MAML2: variants seen among roughly 807,000 people sequenced by gnomAD.
MAML2 encodes mastermind like transcriptional coactivator 2, also known as mastermind-like protein 2.
MAML2 carries 22 observed loss-of-function variants against 96.1 expected under a neutral mutation model. The ratio of observed to expected loss-of-function variants is 0.23; its 90% CI spans 0.16 to 0.33. The LOEUF is 0.33. Ranked by LOEUF, MAML2 falls within the 10% of genes least tolerant of loss-of-function variation. The probability of loss-of-function intolerance (pLI) is 1.00; values close to 1 mark genes in which losing one functional copy is unlikely to be tolerated. For synonymous variants in MAML2, 561 were observed against 521.3 expected, an observed-to-expected ratio of 1.08 and a Z score of -1.04; for missense variants, 1,367 against 1,392.4, an observed-to-expected ratio of 0.98 and a Z score of 0.29.
At chr11:96,329,459 A>G (rs1400302711) in intron 1 of MAML2, among the ~76,000 whole-genome samples, 1 of 152,212 alleles carries the variant, frequency 6.6e-6, no homozygotes, top group African/African-American at 2.4e-5. Context: ...TTCTTCCTCA[A>G]TAAACATATG....
At chr11:96,019,420 A>G (rs1399818296) in intron 2 of MAML2, among the ~76,000 whole-genome samples, 3 of 152,028 alleles carry the variant, frequency 2.0e-5, no homozygotes, top group Non-Finnish European at 2.9e-5. Flanking sequence ...ACAGGAAGCT[A>G]TTAGCTTCAA....
chr11:96,080,169 G>A (rs1859509454), intron 2 of MAML2, among the ~76,000 whole-genome samples: 2 of 152,118 alleles, frequency 1.3e-5, no homozygotes, highest in South Asian at 2.1e-4. Flanking sequence ...TGTGGCTAAA[G>A]GGAAGAGGAA....
chr11:96,058,278 T>C (rs1859100141), intron 2 of MAML2, among the ~76,000 whole-genome samples: 1 of 149,412 alleles, frequency 6.7e-6, no homozygotes, highest in Non-Finnish European at 1.5e-5. Context: ...GATGAGGCCA[T>C]CCAAGTCCAA....
chr11:96,004,895 G>A (rs975620297), intron 2 of MAML2, among the ~76,000 whole-genome samples: 10 of 152,288 alleles, frequency 6.6e-5, no homozygotes, highest in East Asian at 3.9e-4. Flanking sequence ...CCTCAGGGTA[G>A]TGGCACAAGA....
At chr11:96,017,899 C>T (rs1362881252) in intron 2 of MAML2, among the ~76,000 whole-genome samples, 1 of 152,110 alleles carries the variant, frequency 6.6e-6, no homozygotes, top group Non-Finnish European at 1.5e-5. Context: ...TTAGCTTTTA[C>T]TTGAATAATA....
intron 2 of MAML2, among the ~76,000 whole-genome samples, chr11:96,091,029 G>A (rs1309183465): frequency 6.6e-6 from 1 of 152,090 alleles, no homozygotes; most frequent in East Asian, 1.9e-4. Flanking sequence ...TTTCTTTTAG[G>A]TTCCCTGGGG....
intron 1 of MAML2, among the ~76,000 whole-genome samples, chr11:96,317,270 T>G (rs1157699765): frequency 6.6e-6 from 1 of 152,130 alleles, no homozygotes; most frequent in African/African-American, 2.4e-5. Context: ...ATAGATAGCT[T>G]TAAAACGTCT....
chr11:95,988,389 G>A (rs1857861863), intron 3 of MAML2, among the ~76,000 whole-genome samples: 1 of 151,514 alleles, frequency 6.6e-6, no homozygotes. Context: ...CTCCCAAGTA[G>A]CTGAGATTAC....
chr11:96,149,348 T>C (rs544373572), intron 1 of MAML2, among the ~76,000 whole-genome samples: 3 of 134,418 alleles, frequency 2.2e-5, no homozygotes, highest in Non-Finnish European at 3.1e-5. Context: ...ACTCAGGAGG[T>C]GGAGGCTGCG....
intron 1 of MAML2, among the ~76,000 whole-genome samples, chr11:96,168,018 C>A (rs1861220412): frequency 6.6e-6 from 1 of 152,170 alleles, no homozygotes; most frequent in African/African-American, 2.4e-5. Context: ...GCTGCAATAA[C>A]CAAGTCTTAT....
At chr11:96,274,436 T>A (rs1255818279) in intron 1 of MAML2, among the ~76,000 whole-genome samples, 4 of 152,216 alleles carry the variant, frequency 2.6e-5, no homozygotes, top group Non-Finnish European at 5.9e-5. Flanking sequence ...TTTACACGTC[T>A]CTTTCTCTCT....
intron 2 of MAML2, among the ~76,000 whole-genome samples, chr11:96,059,194 CTT>C (rs1332805544): frequency 1.3e-5 from 2 of 152,168 alleles, no homozygotes; most frequent in Non-Finnish European, 2.9e-5. Flanking sequence ...GCTTGGTTCT[CTT>C]TGTCACAAAT....
intron 1 of MAML2, among the ~76,000 whole-genome samples, chr11:96,224,890 G>A (rs950271401): frequency 2.6e-5 from 4 of 151,592 alleles, no homozygotes; most frequent in African/African-American, 9.7e-5. Context: ...AAGGATTTTT[G>A]TTTTTTTTCA....
intron 1 of MAML2, among the ~76,000 whole-genome samples, chr11:96,234,938 A>T (rs370824329): frequency 2.0e-5 from 3 of 152,240 alleles, no homozygotes; most frequent in Non-Finnish European, 4.4e-5. Flanking sequence ...GGAATATAGA[A>T]ACATAAATCT....
chr11:96,180,406 GCT>G (rs1457882710), intron 1 of MAML2, among the ~76,000 whole-genome samples: 1 of 152,154 alleles, frequency 6.6e-6, no homozygotes, highest in African/African-American at 2.4e-5. Context: ...TTTCCACTTG[GCT>G]CTCTTTTTCA....
At chr11:96,286,084 T>A (rs1385464630) in intron 1 of MAML2, among the ~76,000 whole-genome samples, 1 of 152,146 alleles carries the variant, frequency 6.6e-6, no homozygotes, top group African/African-American at 2.4e-5. Context: ...CAAATGCCCA[T>A]CAATGGTAGA....
In MAML2 at chr11:95,979,744, T is replaced by G; in HGVS notation, c.2675A>C (p.Gln892Pro). ...SVTSGMNQLT[Q>P]QRNPKQLLAN... ...TAACAATTGCTTTGGGTTTCTCTGTTGGGTCAATTGATTCATTCCTGAAGT... is the reference window on the plus strand; with the variant it reads ...TAACAATTGCTTTGGGTTTCTCTGTGGGGTCAATTGATTCATTCCTGAAGT... Residue 892 changes from glutamine (Q) to proline (P), a missense_variant, in exon 5 of 5, where the codon CAA becomes CCA. By Grantham distance (76) the Gln-to-Pro change is moderately conservative. Transcript: ENST00000524717. 6.2e-7 allele frequency: 1 copy of G among 1,614,012 alleles called. No homozygotes were observed. The highest frequency in any genetic ancestry group is 8.5e-7 in the Non-Finnish European group (1 of 1,179,894).
At chr11:96,074,421 G>C (rs527388216) in intron 2 of MAML2, among the ~76,000 whole-genome samples, 19 of 152,340 alleles carry the variant, frequency 1.2e-4, no homozygotes, top group South Asian at 2.1e-4. Flanking sequence ...TTGGTCACAT[G>C]AGAGTTTCAT....
chr11:96,048,517 A>G (rs548279272), intron 2 of MAML2, among the ~76,000 whole-genome samples: 1 of 152,330 alleles, frequency 6.6e-6, no homozygotes, highest in South Asian at 2.1e-4. Flanking sequence ...AATTTTTAAC[A>G]CATATAGGTA....
Sources: gnomAD v4.1 joint callset for allele counts (sites outside exome capture counted in the v4.1 genomes callset) on GRCh38, gnomAD v4.1.1 for gene constraint, MANE v1.5 for transcripts, NCBI Gene and HGNC (gene_info 2026-07-23, HGNC 2026-07-21) for gene names.